Variants in ATP1A1 observed in about 807,000 individuals in gnomAD.
The protein encoded by ATP1A1 is sodium/potassium-transporting ATPase subunit alpha-1.
ATP1A1 carries 14 observed loss-of-function variants against 114.8 expected under a neutral mutation model. That is an observed-to-expected ratio of 0.12 (90% CI 0.08 to 0.19). ATP1A1 has a LOEUF of 0.19. Among genes scored for constraint, ATP1A1 ranks in the 10% least tolerant of loss-of-function variants. The pLI is 1.00. For missense variants in ATP1A1, 524 were observed against 1,290.7 expected, an observed-to-expected ratio of 0.41 and a Z score of 9.10; for synonymous variants, 471 against 466.3, an observed-to-expected ratio of 1.01 and a Z score of -0.13.
chr1:116,402,985 A>T (rs1653634720), intron 21 of ATP1A1, among the ~76,000 whole-genome samples: 1 of 152,196 alleles, frequency 6.6e-6, no homozygotes, highest in African/African-American at 2.4e-5. Context: ...GCCATTATGT[A>T]TCAAGATGGG....
chr1:116,382,607 C>G (rs1413516959), intron 1 of ATP1A1: 4 of 152,214 alleles, frequency 2.6e-5, no homozygotes, highest in African/African-American at 7.2e-5. Flanking sequence ...AATAATGTGT[C>G]TCTACATGTG....
chr1:116,381,234 C>G lies in ATP1A1; in HGVS notation c.13-2780C>G, dbSNP rs1304022304. The stretch of plus-strand genomic sequence containing the variant: ...CACCCTTCCCATGACCTTTGTTTTT[C>G]CCTAATGCCTTAAAAAATAATAAGG... On this transcript the variant is annotated intron_variant, in intron 1 of 22. Coordinates refer to ENST00000295598, the MANE Select transcript of ATP1A1 (RefSeq NM_000701.8). This position sits in a 1 kb window ranked among gnomAD's most constrained non-coding sequence, Gnocchi z 5.1. Among the ~76,000 whole-genome samples, 1 of 152,150 alleles carries G rather than the reference C, an allele frequency of 6.6e-6. No individual in the cohort carries two copies. Among genetic ancestry groups the G allele is most frequent in the African/African-American group, 2.4e-5 (1 of 41,440 alleles).
In ATP1A1 at chr1:116,404,402, T is replaced by C. The variant is rs1238829832; in HGVS notation, c.3044-14T>C. Reference sequence around the variant, plus strand: ...CACTGTAGTGTGTCTTGTCTGTCTCTTTGCCACCCACAGGCTGGGTGGAGA... The same window carrying C: ...CACTGTAGTGTGTCTTGTCTGTCTCCTTGCCACCCACAGGCTGGGTGGAGA... On this transcript the variant is annotated splice_polypyrimidine_tract_variant and intron_variant, in intron 22 of 22. Transcript: ENST00000295598. The surrounding 1 kb of genome is among the most constrained non-coding windows in gnomAD (Gnocchi z 4.8). 6.2e-7 allele frequency: 1 copy of C among 1,613,826 alleles called. No homozygotes were observed. Among genetic ancestry groups the C allele is most frequent in the Non-Finnish European group, 8.5e-7 (1 of 1,179,902 alleles).
rs1278727423 is a variant in ATP1A1, at chr1:116,399,281, A to T, written c.2449-139A>T. 2 of 1,391,510 alleles carry T rather than the reference A, an allele frequency of 1.4e-6. No individual in the cohort carries two copies. The highest frequency in any genetic ancestry group is 2.9e-5 in the African/African-American group (2 of 68,894). 86.2% of individuals were successfully genotyped at this position (1,391,510 alleles called of 1,614,324 possible). ...TCAAGGCAGCAGTTAACATTTGTTTATCAGATGGGAATCTTTATTTTTGTA... is the reference window on the plus strand; with the variant it reads ...TCAAGGCAGCAGTTAACATTTGTTTTTCAGATGGGAATCTTTATTTTTGTA... On this transcript the variant is annotated intron_variant, in intron 17 of 22. Coordinates refer to ENST00000295598, the MANE Select transcript of ATP1A1 (RefSeq NM_000701.8). The surrounding 1 kb of genome is among the most constrained non-coding windows in gnomAD (Gnocchi z 5.0).
rs764017894 is a variant in ATP1A1 at position 116,387,258 on chromosome 1, T to G, written c.184-30T>G. 5.6e-6 allele frequency: 9 copies of G among 1,612,918 alleles called. No homozygotes were observed. The highest frequency in any genetic ancestry group is 6.8e-6 in the Non-Finnish European group (8 of 1,179,698). ...ATTGCCTTGTAAGTGCTGGTACAGT[T>G]TGCCTTATTTATATTCCACTGCTTC... On this transcript the variant is annotated intron_variant, in intron 3 of 22. Coordinates refer to ENST00000295598, the MANE Select transcript of ATP1A1 (RefSeq NM_000701.8). The surrounding 1 kb of genome is among the most constrained non-coding windows in gnomAD (Gnocchi z 6.7).
At chr1:116,373,981 A>G in intron 1 of ATP1A1, 1 of 1,374,524 alleles carries the variant, frequency 7.3e-7, no homozygotes, top group Admixed American at 3.2e-5. Flanking sequence ...GCCCTGAGGA[A>G]AGGCGCGCTC....
Position 116,388,024 on chromosome 1 carries a change from C to T in ATP1A1, c.388-107C>T, listed in dbSNP as rs545897462. On this transcript the variant is annotated intron_variant, in intron 4 of 22. Coordinates refer to ENST00000295598, the MANE Select transcript of ATP1A1 (RefSeq NM_000701.8). The surrounding 1 kb of genome is among the most constrained non-coding windows in gnomAD (Gnocchi z 5.6). ...AACATGAGTTCTATATTTCTGAAAT[C>T]TTGGTTTCTCTATTAAAAATCTGTT... 89 of 715,574 alleles carry T rather than the reference C, an allele frequency of 1.2e-4. No individual in the cohort carries two copies. The African/African-American group carries it at 1.6e-3, about 12-fold the overall frequency. 44.3% of individuals were successfully genotyped at this position (715,574 alleles called of 1,614,324 possible). A position where few individuals can be genotyped will look rare whatever the true frequency, so the allele number is the denominator to read the frequency against.
At chr1:116,394,437 TTAAG>T (rs1652735861) in intron 12 of ATP1A1, among the ~76,000 whole-genome samples, 1 of 152,148 alleles carries the variant, frequency 6.6e-6, no homozygotes, top group Non-Finnish European at 1.5e-5. Flanking sequence ...TATCTTCTCT[TTAAG>T]TGTTTTTCAC....
chr1:116,402,687 G>A lies in ATP1A1; in HGVS notation c.2951+1032G>A, dbSNP rs184525666. Among the ~76,000 whole-genome samples, 83 of 152,320 alleles carry A rather than the reference G, an allele frequency of 5.4e-4. 1 individual carries two copies. In the Middle Eastern group the frequency reaches 0.01, roughly 19 times the overall value. On this transcript the variant is annotated intron_variant, in intron 21 of 22. Transcript: ENST00000295598. ...TTCGGCTTTCTTCCTCTGCCTTTGT[G>A]TTTGGTAAGATCCTTCCTCCCCACA...
At chr1:116,383,493 A>C in intron 1 of ATP1A1, 7 of 448,390 alleles carry the variant, frequency 1.6e-5, no homozygotes, top group Non-Finnish European at 1.8e-5. Context: ...CTTTATCTCC[A>C]CGCTGTGGAA....
intron 1 of ATP1A1, among the ~76,000 whole-genome samples, chr1:116,380,154 A>G (rs922014777): frequency 6.6e-6 from 1 of 152,246 alleles, no homozygotes; most frequent in African/African-American, 2.4e-5. Flanking sequence ...AGTTATACCA[A>G]GTGTTATTCC....
intron 1 of ATP1A1, chr1:116,374,296 T>A: frequency 6.4e-7 from 1 of 1,551,536 alleles, no homozygotes; most frequent in South Asian, 1.2e-5. Context: ...GATGCACCGA[T>A]GGCAACTGGA....
intron 1 of ATP1A1, among the ~76,000 whole-genome samples, chr1:116,382,891 C>T (rs1008182435): frequency 6.6e-6 from 1 of 152,132 alleles, no homozygotes; most frequent in African/African-American, 2.4e-5. Flanking sequence ...ATATGTCATG[C>T]ATTTTAAGAA....
chr1:116,394,584 A>G (rs543203802), intron 12 of ATP1A1, among the ~76,000 whole-genome samples: 1 of 152,170 alleles, frequency 6.6e-6, no homozygotes, highest in Admixed American at 6.5e-5. Context: ...TGTATTTACT[A>G]TACTAGATGA....
At chr1:116,376,517 A>C (rs772142960) in intron 1 of ATP1A1, among the ~76,000 whole-genome samples, 19 of 152,202 alleles carry the variant, frequency 1.2e-4, no homozygotes, top group Non-Finnish European at 2.4e-4. Flanking sequence ...GGGGGTGGAG[A>C]GAGCACTTGT....
In ATP1A1 at chr1:116,385,697, T is replaced by C. The variant is rs1208975080; in HGVS notation, c.183+855T>C. The C allele has an allele frequency of 6.6e-6, 1 of 152,172 alleles. No individual in the cohort carries two copies. Among genetic ancestry groups the C allele is most frequent in the Non-Finnish European group, 1.5e-5 (1 of 68,034 alleles). 9.4% of individuals were successfully genotyped at this position (152,172 alleles called of 1,614,324 possible). Reference sequence around the variant, plus strand: ...CTTTTCACCTGTCGCAAGGCAGGACTCTAATCTTGTTCCACTTTTCTGATT... The same window carrying C: ...CTTTTCACCTGTCGCAAGGCAGGACCCTAATCTTGTTCCACTTTTCTGATT... On this transcript the variant is annotated intron_variant, in intron 3 of 22. Coordinates refer to ENST00000295598, the MANE Select transcript of ATP1A1 (RefSeq NM_000701.8). The surrounding 1 kb of genome is among the most constrained non-coding windows in gnomAD (Gnocchi z 4.3).
chr1:116,397,774 C>A lies in ATP1A1; in HGVS notation c.1974-114C>A. The A allele has an allele frequency of 1.5e-6, 2 of 1,323,456 alleles. No individual in the cohort carries two copies. The highest frequency in any genetic ancestry group is 2.1e-6 in the Non-Finnish European group (2 of 971,554). The allele number at this position is 1,323,456 out of a possible 1,614,324, so 82.0% of individuals were successfully genotyped here. On this transcript the variant is annotated intron_variant, in intron 14 of 22. Coordinates refer to ENST00000295598, the MANE Select transcript of ATP1A1 (RefSeq NM_000701.8). The surrounding 1 kb of genome is among the most constrained non-coding windows in gnomAD (Gnocchi z 4.2). ...TAGCTTTTATGTGCTGGGGAAAATT[C>A]CTTCTTTGTTTTGTTTACAAAGTGA...
Position 116,395,258 on chromosome 1 carries a change from G to T in ATP1A1, c.1809G>T (p.Val603=). Residue 603 remains valine (V), a synonymous_variant, in exon 13 of 23, where the codon GTG becomes GTT. Coordinates refer to ENST00000295598, the MANE Select transcript of ATP1A1 (RefSeq NM_000701.8). This position sits in a 1 kb window ranked among gnomAD's most constrained non-coding sequence, Gnocchi z 6.4. ...DPPRAAVPDA[V]GKCRSAGIKV... ...CACGGGCGGCCGTTCCTGATGCCGT[G>T]GGCAAATGTCGAAGTGCTGGAATTA... is the stretch of plus-strand genomic sequence containing the variant. 1 of 1,614,030 alleles carries T rather than the reference G, an allele frequency of 6.2e-7. No individual in the cohort carries two copies. Among genetic ancestry groups the T allele is most frequent in the Non-Finnish European group, 8.5e-7 (1 of 1,179,950 alleles).
chr1:116,380,267 G>C (rs767530996), intron 1 of ATP1A1, among the ~76,000 whole-genome samples: 1 of 152,220 alleles, frequency 6.6e-6, no homozygotes, highest in Non-Finnish European at 1.5e-5. Flanking sequence ...TAGCAGACCT[G>C]TCTGGAGGGA....
Sources: allele counts gnomAD v4.1 joint callset (sites outside exome capture counted in the v4.1 genomes callset), GRCh38; gene constraint gnomAD v4.1.1; non-coding constraint Gnocchi (gnomAD v3.1); transcripts MANE v1.5; gene names NCBI Gene and HGNC (gene_info 2026-07-23, HGNC 2026-07-21).